Variants in SNCAIP observed in about 807,000 individuals in gnomAD.
SNCAIP encodes the protein synuclein alpha interacting protein, also known as synphilin-1.
Under a neutral mutation model 86.7 loss-of-function variants are expected in SNCAIP, and 43 were observed. That is an observed-to-expected ratio of 0.50 (90% CI 0.39 to 0.64). The LOEUF (loss-of-function observed/expected upper bound fraction) is 0.64. SNCAIP is among the 30% of genes least tolerant of loss of function. The probability of loss-of-function intolerance (pLI) is 0.00; values close to 1 mark genes in which losing one functional copy is unlikely to be tolerated. For synonymous variants in SNCAIP, 417 were observed against 427.2 expected (o/e 0.98, Z 0.29); for missense variants, 981 against 1,103.1 (o/e 0.89, Z 1.57).
At chr5:122,364,898 G>A (rs75114382) in intron 1 of SNCAIP, among the ~76,000 whole-genome samples, 1 of 152,134 alleles carries the variant, frequency 6.6e-6, no homozygotes, top group Non-Finnish European at 1.5e-5. Flanking sequence ...ACAATTGTGA[G>A]AGATAATCCT....
intron 5 of SNCAIP, among the ~76,000 whole-genome samples, chr5:122,426,381 A>T (rs912501386): frequency 6.6e-6 from 1 of 152,168 alleles, no homozygotes; most frequent in Non-Finnish European, 1.5e-5. Context: ...GGTGAGGGGA[A>T]TTTGTTAGAG....
At chr5:122,343,118 C>T (rs1379818276) in intron 1 of SNCAIP, among the ~76,000 whole-genome samples, 2 of 152,176 alleles carry the variant, frequency 1.3e-5, no homozygotes, top group African/African-American at 4.8e-5. Flanking sequence ...ACCAGATTTT[C>T]CAATGGCACA....
chr5:122,321,959 G>GA (rs34741758), intron 1 of SNCAIP: 96 of 143,814 alleles, frequency 6.7e-4, no homozygotes, highest in South Asian at 1.3e-3. Context: ...CAACAACATG[G>GA]AAAAAAAAAA....
chr5:122,381,066 G>C (rs1580843046), intron 1 of SNCAIP, among the ~76,000 whole-genome samples: 1 of 150,438 alleles, frequency 6.6e-6, no homozygotes, highest in African/African-American at 2.5e-5. Context: ...TCCGCTTGGT[G>C]CAGAGCTGAG....
intron 1 of SNCAIP, among the ~76,000 whole-genome samples, chr5:122,332,671 A>G (rs1269394671): frequency 6.6e-6 from 1 of 152,228 alleles, no homozygotes; most frequent in Non-Finnish European, 1.5e-5. Flanking sequence ...TGAAAGGCAG[A>G]CAGTGGCACT....
chr5:122,445,719 CA>C (rs544960705), intron 8 of SNCAIP, among the ~76,000 whole-genome samples: 175 of 117,580 alleles, frequency 1.5e-3, no homozygotes, highest in East Asian at 2.1e-3. Context: ...AAAGTATAAT[CA>C]AAAAAAAAAA....
At chr5:122,381,279 C>A (rs1481906114) in intron 1 of SNCAIP, among the ~76,000 whole-genome samples, 6 of 144,124 alleles carry the variant, frequency 4.2e-5, no homozygotes, top group Admixed American at 2.1e-4. Flanking sequence ...TGAATTGATC[C>A]CTTTACCATT....
Position 122,451,108 on chromosome 5 carries a change from G to A in SNCAIP, c.2261G>A (p.Ser754Asn). 1.2e-6 allele frequency: 2 copies of A among 1,614,132 alleles called. No individual in the cohort carries two copies. The highest frequency in any genetic ancestry group is 1.1e-5 in the South Asian group (1 of 91,078). ...DGHSPSPTSESSEPDLESQYP... is the reference protein window; with the variant it reads ...DGHSPSPTSENSEPDLESQYP... ...CACAGCCCATCTCCCACCTCAGAGA[G>A]CAGCGAACCAGACTTAGAATCCCAG... Residue 754 changes from serine to asparagine, a missense_variant, in exon 10 of 11, where the codon AGC (serine) becomes AAC (asparagine). Transcript: ENST00000261368.
chr5:122,429,075 G>A (rs1013553798), intron 5 of SNCAIP, among the ~76,000 whole-genome samples: 1 of 151,958 alleles, frequency 6.6e-6, no homozygotes, highest in African/African-American at 2.4e-5. Context: ...ATAAATCAAC[G>A]TGTTAAGAAA....
intron 6 of SNCAIP, among the ~76,000 whole-genome samples, chr5:122,439,489 C>A (rs960426222): frequency 6.6e-6 from 1 of 152,148 alleles, no homozygotes; most frequent in Non-Finnish European, 1.5e-5. Context: ...GTCACAAATA[C>A]CTTCATAAAC....
At chr5:122,389,905 A>G (rs753321433) in intron 1 of SNCAIP, 6 of 152,132 alleles carry the variant, frequency 3.9e-5, no homozygotes, top group Non-Finnish European at 5.9e-5. Flanking sequence ...TCTGTTTATC[A>G]TAATTATACC....
intron 2 of SNCAIP, among the ~76,000 whole-genome samples, chr5:122,401,367 A>G (rs1480058196): frequency 2.0e-5 from 3 of 152,176 alleles, no homozygotes; most frequent in African/African-American, 7.2e-5. Context: ...CAATCTTCAC[A>G]ACACTCCCTT....
intron 6 of SNCAIP, among the ~76,000 whole-genome samples, chr5:122,435,794 T>C (rs939276266): frequency 1.3e-5 from 2 of 152,172 alleles, no homozygotes; most frequent in Admixed American, 1.3e-4. Context: ...CAATTTACTT[T>C]AAAAAGGAAA....
chr5:122,413,252 T>A (rs1000168526), intron 3 of SNCAIP, among the ~76,000 whole-genome samples: 7 of 152,238 alleles, frequency 4.6e-5, no homozygotes, highest in African/African-American at 1.7e-4. Context: ...TCAACTTTGC[T>A]TGCTTTGACT....
rs539092205 is a variant in SNCAIP at position 122,463,645 on chromosome 5, G to T, written c.*149G>T. The T allele has an allele frequency of 2.6e-6, 2 of 762,804 alleles. No homozygotes were observed. Among genetic ancestry groups the T allele is most frequent in the South Asian group, 3.6e-5 (2 of 55,308 alleles). 47.3% of individuals were successfully genotyped at this position (762,804 alleles called of 1,614,324 possible). A position where few individuals can be genotyped will look rare whatever the true frequency, so the allele number is the denominator to read the frequency against. On this transcript the variant is annotated 3_prime_UTR_variant, in exon 11 of 11. Coordinates refer to ENST00000261368, the MANE Select transcript of SNCAIP (RefSeq NM_005460.4). ...TGGAAATTTCTGGACTATCCTCTTT[G>T]GAAAGAGAACCATGAAAACAATGCC...
At chr5:122,427,020 T>C (rs1476568303) in intron 5 of SNCAIP, among the ~76,000 whole-genome samples, 1 of 152,212 alleles carries the variant, frequency 6.6e-6, no homozygotes, top group African/African-American at 2.4e-5. Context: ...GACAGAGTTC[T>C]GTAGACATCA....
At chr5:122,338,585 T>G (rs1756959650) in intron 1 of SNCAIP, among the ~76,000 whole-genome samples, 1 of 152,210 alleles carries the variant, frequency 6.6e-6, no homozygotes. Context: ...TATGCTGATA[T>G]TGACAATTTA....
intron 1 of SNCAIP, among the ~76,000 whole-genome samples, chr5:122,348,313 T>G (rs965042488): frequency 1.3e-5 from 2 of 152,176 alleles, no homozygotes; most frequent in East Asian, 3.8e-4. Context: ...TTTCACTGTG[T>G]GGAATTATGG....
At chr5:122,384,686 A>G (rs1767718757) in intron 1 of SNCAIP, among the ~76,000 whole-genome samples, 1 of 152,252 alleles carries the variant, frequency 6.6e-6, no homozygotes, top group Non-Finnish European at 1.5e-5. Flanking sequence ...TCAGGACAGC[A>G]AGGAAGAAAT....
Sources: allele counts gnomAD v4.1 joint callset (sites outside exome capture counted in the v4.1 genomes callset), GRCh38; gene constraint gnomAD v4.1.1; transcripts MANE v1.5; gene names NCBI Gene and HGNC (gene_info 2026-07-23, HGNC 2026-07-21).